Variants in CSMD1 observed in about 807,000 individuals in gnomAD.
The protein encoded by CSMD1 is CUB and sushi domain-containing protein 1.
CSMD1 carries 213 observed loss-of-function variants against 417.5 expected under a neutral mutation model. The observed-to-expected ratio is 0.51, with a 90% confidence interval of 0.46 to 0.57. CSMD1 has a LOEUF of 0.57. CSMD1 is among the 20% of genes least tolerant of loss of function. The probability of loss-of-function intolerance (pLI) is 0.00; values close to 1 mark genes in which losing one functional copy is unlikely to be tolerated. For missense variants in CSMD1, 6,923 were observed against 4,529.7 expected (o/e 1.53, Z -15.17); for synonymous variants, 2,862 against 1,736.8 (o/e 1.65, Z -16.11).
intron 7 of CSMD1, among the ~76,000 whole-genome samples, chr8:3,665,893 T>A (rs1798667112): frequency 6.6e-6 from 1 of 152,092 alleles, no homozygotes; most frequent in Non-Finnish European, 1.5e-5. Flanking sequence ...GTTTTGTTTT[T>A]TTGAGATGGA....
chr8:4,203,273 C>T (rs530036215), intron 3 of CSMD1, among the ~76,000 whole-genome samples: 3 of 152,268 alleles, frequency 2.0e-5, no homozygotes, highest in Admixed American at 1.3e-4. Flanking sequence ...ACTGCCCTGA[C>T]TCCTTCAGAA....
At chr8:3,751,341 TAC>T (rs71513008) in intron 6 of CSMD1, among the ~76,000 whole-genome samples, 12,174 of 148,018 alleles carry the variant, frequency 0.082, 662 homozygotes, top group East Asian at 0.15. Flanking sequence ...TATATATATA[TAC>T]ACGAACACAC....
At chr8:3,730,224 C>T (rs191461203) in intron 6 of CSMD1, among the ~76,000 whole-genome samples, 47 of 152,126 alleles carry the variant, frequency 3.1e-4, no homozygotes, top group African/African-American at 9.6e-4. Flanking sequence ...AGTTTGATTC[C>T]CCATATGGTT....
rs181248140 is a variant in CSMD1 at position 3,673,335 on chromosome 8, C to A, written c.1009+35079G>T. On this transcript the variant is annotated intron_variant, in intron 7 of 69. Coordinates refer to ENST00000635120, the MANE Select transcript of CSMD1 (RefSeq NM_033225.6). ...AGGTAAACTGAAAATTCAGCAAGTA[C>A]TGAACAAAAGAATTGCAATTTCATG... is the stretch of plus-strand genomic sequence containing the variant. 1.9e-4 allele frequency among the ~76,000 whole-genome samples: 29 copies of A among 152,284 alleles called. No individual in the cohort carries two copies. In the East Asian group the frequency reaches 5.6e-3, roughly 29 times the overall value.
chr8:4,749,737 A>G (rs1334100983), intron 1 of CSMD1, among the ~76,000 whole-genome samples: 2 of 152,224 alleles, frequency 1.3e-5, no homozygotes, highest in African/African-American at 2.4e-5. Context: ...ATAATTACAT[A>G]TTTCATAAAT....
chr8:3,000,641 G>GAT (rs763260942), intron 52 of CSMD1, among the ~76,000 whole-genome samples: 10 of 152,312 alleles, frequency 6.6e-5, no homozygotes, highest in Admixed American at 5.2e-4. Flanking sequence ...ATGAAAATCT[G>GAT]AGTTATGGGT....
At position 4,443,028 on chromosome 8, in the gene CSMD1, A is replaced by G. The variant is rs1217545; in HGVS notation, c.303-22963T>C. On this transcript the variant is annotated intron_variant, in intron 2 of 69. Transcript: ENST00000635120. ...CCCAAAAACACTGTCTACTTTAAAG[A>G]TTTCGATTGTAATTGTGAATATACA... 7.7e-3 allele frequency among the ~76,000 whole-genome samples: 1,168 copies of G among 152,244 alleles called. 11 individuals are homozygous for G. Among genetic ancestry groups the G allele is most frequent in the African/African-American group, 0.026 (1,061 of 41,552 alleles).
intron 41 of CSMD1, among the ~76,000 whole-genome samples, chr8:3,137,000 G>T (rs1208073116): frequency 6.6e-6 from 1 of 151,650 alleles, no homozygotes; most frequent in Non-Finnish European, 1.5e-5. Flanking sequence ...ATATTCATGG[G>T]GTACATAGTG....
At chr8:4,500,225 G>C (rs1056123181) in intron 2 of CSMD1, among the ~76,000 whole-genome samples, 3 of 151,948 alleles carry the variant, frequency 2.0e-5, no homozygotes, top group Non-Finnish European at 4.4e-5. Context: ...GGTTGGCTTA[G>C]TGAATATAAA....
intron 2 of CSMD1, among the ~76,000 whole-genome samples, chr8:4,531,323 C>G (rs189853391): frequency 1.3e-5 from 2 of 152,158 alleles, no homozygotes; most frequent in Non-Finnish European, 2.9e-5. Flanking sequence ...GTATTCAGGT[C>G]ATTTAATCAT....
chr8:3,711,942 A>T (rs1014273045), intron 6 of CSMD1, among the ~76,000 whole-genome samples: 1 of 152,244 alleles, frequency 6.6e-6, no homozygotes, highest in South Asian at 2.1e-4. Context: ...AGAAAATTCG[A>T]GTAGTCTCTC....
At chr8:3,709,709 T>TTTTTTTTTTTTTTTTTC (rs1554518391) in intron 6 of CSMD1, among the ~76,000 whole-genome samples, 1 of 129,510 alleles carries the variant, frequency 7.7e-6, no homozygotes, top group African/African-American at 2.9e-5. Flanking sequence ...TTTTTTTTTT[T>TTTTTTTTTTTTTTTTTC]CCCTGCTTTC....
intron 2 of CSMD1, among the ~76,000 whole-genome samples, chr8:4,504,174 G>C (rs968922966): frequency 1.3e-5 from 2 of 152,124 alleles, no homozygotes; most frequent in African/African-American, 4.8e-5. Context: ...TCCTGCCATA[G>C]CAACAATATG....
chr8:3,979,639 C>A (rs756081199), intron 5 of CSMD1, among the ~76,000 whole-genome samples: 6 of 152,162 alleles, frequency 3.9e-5, no homozygotes, highest in Non-Finnish European at 7.3e-5. Context: ...TTCCAGAGCT[C>A]TCTCCCCGCC....
intron 5 of CSMD1, among the ~76,000 whole-genome samples, chr8:3,812,424 A>C: frequency 6.6e-6 from 1 of 152,132 alleles, no homozygotes. Context: ...CTAGATATTA[A>C]TTAAAGTGCT....
At position 3,409,591 on chromosome 8, in the gene CSMD1, C is replaced by G. The variant is rs766526231; in HGVS notation, c.1576G>C (p.Gly526Arg). The G allele has an allele frequency of 1.7e-5, 27 of 1,589,712 alleles. No individual in the cohort carries two copies. Among genetic ancestry groups the G allele is most frequent in the South Asian group, 2.3e-5 (2 of 88,200 alleles). Residue 526 changes from glycine to arginine, a missense_variant, in exon 13 of 70, where the codon GGG becomes CGG. Transcript: ENST00000635120. The part of the protein sequence containing the change: ...KAVYQEIEKG[G>R]CGDPGIPAYG... ...GCGGGGATTCCAGGATCCCCACACC[C>G]TCCCTTTTCAATTTCTGAAAATGGA...
At chr8:3,480,672 A>C (rs1817690284) in intron 11 of CSMD1, among the ~76,000 whole-genome samples, 1 of 152,178 alleles carries the variant, frequency 6.6e-6, no homozygotes, top group African/African-American at 2.4e-5. Context: ...GACAGAAAAA[A>C]CAACCAAAAA....
intron 3 of CSMD1, among the ~76,000 whole-genome samples, chr8:4,153,225 G>A (rs894333384): frequency 3.9e-5 from 6 of 152,176 alleles, no homozygotes; most frequent in African/African-American, 1.4e-4. Flanking sequence ...CTCACCCAAG[G>A]GGAGCTGGAG....
At chr8:3,966,651 A>G (rs542025697) in intron 5 of CSMD1, among the ~76,000 whole-genome samples, 1 of 152,162 alleles carries the variant, frequency 6.6e-6, no homozygotes, top group South Asian at 2.1e-4. Context: ...CTTTGAGGGC[A>G]AAGACCATGT....
Sources: allele counts gnomAD v4.1 joint callset (sites outside exome capture counted in the v4.1 genomes callset), GRCh38; gene constraint gnomAD v4.1.1; transcripts MANE v1.5; gene names NCBI Gene and HGNC (gene_info 2026-07-23, HGNC 2026-07-21).